The following TNRC6A variants were observed in gnomAD, a reference collection of about 807,000 sequenced individuals.
TNRC6A encodes the protein trinucleotide repeat-containing gene 6A protein.
TNRC6A carries 44 observed loss-of-function variants against 221.2 expected under a neutral mutation model. The ratio of observed to expected loss-of-function variants is 0.20; its 90% CI spans 0.16 to 0.26. The LOEUF (loss-of-function observed/expected upper bound fraction) is 0.26, where lower values mean the gene tolerates loss of function less well. Ranked by LOEUF, TNRC6A falls within the 10% of genes least tolerant of loss-of-function variation. The pLI, the probability that TNRC6A is intolerant of heterozygous loss-of-function variation, is 1.00. For synonymous variants in TNRC6A, 847 were observed against 838.5 expected (o/e 1.01, Z -0.18); for missense variants, 2,199 against 2,404.4 (o/e 0.91, Z 1.79).
At chr16:24,672,881 TAG>T (rs34819977) in intron 2 of TNRC6A, among the ~76,000 whole-genome samples, 35,188 of 151,984 alleles carry the variant, frequency 0.23, 4,454 homozygotes, top group Non-Finnish European at 0.3. Flanking sequence ...TTTTTGAACC[TAG>T]ATAGTTCATC....
chr16:24,709,924 A>AT (rs1205800873), intron 2 of TNRC6A, among the ~76,000 whole-genome samples: 3 of 151,946 alleles, frequency 2.0e-5, no homozygotes, highest in Non-Finnish European at 2.9e-5. Flanking sequence ...AAAGGTATAA[A>AT]TTTTTTTTAA....
intron 1 of TNRC6A, among the ~76,000 whole-genome samples, chr16:24,623,424 T>A (rs1176572030): frequency 2.0e-5 from 3 of 152,088 alleles, no homozygotes; most frequent in Non-Finnish European, 4.4e-5. Context: ...GGTCTCGATC[T>A]CCTGACCTTG....
At chr16:24,778,899 GGTTA>G (rs2057782016) in intron 5 of TNRC6A, among the ~76,000 whole-genome samples, 1 of 152,120 alleles carries the variant, frequency 6.6e-6, no homozygotes, top group East Asian at 1.9e-4. Context: ...CTTCGGGAGA[GGTTA>G]GTTATACAAC....
intron 2 of TNRC6A, among the ~76,000 whole-genome samples, chr16:24,660,445 C>CAT (rs56962784): frequency 0.044 from 6,677 of 151,292 alleles, 439 homozygotes; most frequent in African/African-American, 0.15. Context: ...TTCCATCATT[C>CAT]ATATATATAT....
chr16:24,675,700 CTCTATA>C (rs1324388318), intron 2 of TNRC6A, among the ~76,000 whole-genome samples: 145 of 54,844 alleles, frequency 2.6e-3, no homozygotes, highest in Middle Eastern at 0.016. Context: ...CTCTCTCTCT[CTCTATA>C]TATATATATA....
intron 2 of TNRC6A, among the ~76,000 whole-genome samples, chr16:24,707,348 GCGCA>G (rs759625982): frequency 1.4e-4 from 10 of 69,524 alleles, no homozygotes; most frequent in African/African-American, 9.6e-4. Flanking sequence ...GGGAACATGG[GCGCA>G]CACACACACA....
intron 2 of TNRC6A, among the ~76,000 whole-genome samples, chr16:24,708,636 T>C (rs912717130): frequency 6.6e-6 from 1 of 152,060 alleles, no homozygotes; most frequent in Non-Finnish European, 1.5e-5. Context: ...TAGTCTTTTG[T>C]CTCTCACCCA....
At chr16:24,786,866 A>G (rs1437479080) in intron 5 of TNRC6A, among the ~76,000 whole-genome samples, 1 of 152,046 alleles carries the variant, frequency 6.6e-6, no homozygotes, top group Non-Finnish European at 1.5e-5. Flanking sequence ...TATTTTTAGT[A>G]GAGACAGGGT....
intron 1 of TNRC6A, among the ~76,000 whole-genome samples, chr16:24,616,739 C>G (rs1900372211): frequency 6.6e-6 from 1 of 151,992 alleles, no homozygotes; most frequent in African/African-American, 2.4e-5. Context: ...TCGAGACCAG[C>G]CTGGTCAACA....
chr16:24,797,622 T>A, intron 10 of TNRC6A, 52 bp downstream of exon 10: 1 of 1,347,956 alleles, frequency 7.4e-7, no homozygotes, highest in Non-Finnish European at 1.0e-6. Context: ...GGTCCATGAT[T>A]TATCTTGATT....
rs1320076090 is a variant in TNRC6A, at chr16:24,822,089, G to T, written c.5315G>T (p.Gly1772Val). 1.9e-6 allele frequency: 3 copies of T among 1,614,050 alleles called. No homozygotes were observed. The highest frequency in any genetic ancestry group is 2.7e-5 in the African/African-American group (2 of 74,924). Reference protein sequence around the residue: ...DARYTPGSSWGESSSGRITNW... With the variant: ...DARYTPGSSWVESSSGRITNW... ...TTTCCTTGTTTAGGTTCCAGCTGGG[G>T]TGAGAGCAGCTCAGGGAGAATAACA... is the stretch of plus-strand genomic sequence containing the variant. Residue 1772 changes from glycine to valine, a missense_variant, in exon 23 of 25, where the codon GGT becomes GTT. This residue lies in a region of TNRC6A where 449 missense variants were observed against 579.7 expected (regional missense o/e 0.77). Transcript: ENST00000395799.
chr16:24,816,746 T>A (rs1236672443), intron 19 of TNRC6A, 70 bp from the exon 20 acceptor site: 42 of 1,536,990 alleles, frequency 2.7e-5, no homozygotes, highest in Non-Finnish European at 3.2e-5. Flanking sequence ...GAATAAAGGT[T>A]TTGGATATTT....
intron 2 of TNRC6A, among the ~76,000 whole-genome samples, chr16:24,715,979 G>A (rs1472671284): frequency 6.6e-6 from 1 of 151,912 alleles, no homozygotes; most frequent in African/African-American, 2.4e-5. Flanking sequence ...AAAGACCCAA[G>A]CATGACCATC....
At chr16:24,663,871 C>T (rs1267450749) in intron 2 of TNRC6A, 1 of 455,380 alleles carries the variant, frequency 2.2e-6, no homozygotes, top group Non-Finnish European at 4.4e-6. Flanking sequence ...GCCCAAGGCC[C>T]CAGATATACA....
chr16:24,812,956 G>A (rs959670405), intron 18 of TNRC6A, among the ~76,000 whole-genome samples: 3 of 137,976 alleles, frequency 2.2e-5, no homozygotes, highest in East Asian at 2.3e-4. Context: ...GGTCACTGCA[G>A]CCTTGACCTC....
rs767215548 is a variant in TNRC6A, at chr16:24,818,715, C to T, written c.5080+15C>T. On this transcript the variant is annotated intron_variant, in intron 21 of 24. Transcript: ENST00000395799. ...AAGCACTTCAGGTGGGCCTCGCCTT[C>T]GCTCAGGAAGGGAGGGTTGGTCACA... 12 of 1,604,448 alleles carry T rather than the reference C, an allele frequency of 7.5e-6. No homozygotes were observed. Among genetic ancestry groups the T allele is most frequent in the East Asian group, 6.7e-5 (3 of 44,834 alleles).
intron 4 of TNRC6A, among the ~76,000 whole-genome samples, chr16:24,760,852 G>A (rs1311716253): frequency 6.6e-6 from 1 of 152,186 alleles, no homozygotes; most frequent in African/African-American, 2.4e-5. Flanking sequence ...TGGTACATTT[G>A]TCAAAACTAA....
intron 23 of TNRC6A, among the ~76,000 whole-genome samples, chr16:24,822,380 G>C (rs1474176316): frequency 6.6e-6 from 1 of 152,194 alleles, no homozygotes; most frequent in African/African-American, 2.4e-5. Context: ...CCCAGAGATT[G>C]AGTCAGTAGA....
At chr16:24,657,317 C>CAAAAAA (rs56241898) in intron 2 of TNRC6A, among the ~76,000 whole-genome samples, 16 of 88,146 alleles carry the variant, frequency 1.8e-4, no homozygotes, top group African/African-American at 4.6e-4. Flanking sequence ...GACCCTATCT[C>CAAAAAA]AAAAAAAAAA....
Sources: allele counts gnomAD v4.1 joint callset (sites outside exome capture counted in the v4.1 genomes callset), GRCh38; gene constraint gnomAD v4.1.1; regional missense constraint gnomAD v4.1.1; transcripts MANE v1.5; gene names NCBI Gene and HGNC (gene_info 2026-07-23, HGNC 2026-07-21).